LYRM7: variants seen among roughly 807,000 people sequenced by gnomAD.
The protein encoded by LYRM7 is LYR motif containing 7, also known as complex III assembly factor LYRM7.
A neutral mutation model predicts 15.8 loss-of-function variants in LYRM7; 9 were observed. The observed-to-expected ratio is 0.57, with a 90% CI of 0.34 to 0.99. The LOEUF (loss-of-function observed/expected upper bound fraction) is 0.99. Among genes scored for constraint, LYRM7 ranks in the 50% least tolerant of loss-of-function variants. The pLI, the probability that LYRM7 is intolerant of heterozygous loss-of-function variation, is 0.02. For synonymous variants in LYRM7, 39 were observed against 39.4 expected, an observed-to-expected ratio of 0.99 and a Z score of 0.04; for missense variants, 115 against 119.1, an observed-to-expected ratio of 0.97 and a Z score of 0.16.
intron 1 of LYRM7, among the ~76,000 whole-genome samples, chr5:131,179,474 T>TTTTTC (rs1755656177): frequency 4.3e-5 from 1 of 23,484 alleles, no homozygotes; most frequent in Admixed American, 7.4e-4. Flanking sequence ...TTTTTTTTTC[T>TTTTTC]TTTTTTTTTT....
intron 2 of LYRM7, 52 bp downstream of exon 2, chr5:131,180,219 T>A: frequency 7.8e-7 from 1 of 1,288,552 alleles, no homozygotes; most frequent in South Asian, 1.2e-5. Context: ...AGATAACTAC[T>A]AATCTCTCTG....
At chr5:131,191,452 C>T (rs1453231336) in intron 4 of LYRM7, among the ~76,000 whole-genome samples, 1 of 151,986 alleles carries the variant, frequency 6.6e-6, no homozygotes, top group Non-Finnish European at 1.5e-5. Context: ...AGAGTAATCA[C>T]CTTGTATGCG....
chr5:131,171,028 G>A lies in LYRM7; in HGVS notation c.8G>A (p.Arg3Gln). 6.5e-7 allele frequency: 1 copy of A among 1,536,532 alleles called. No homozygotes were observed. The highest frequency in any genetic ancestry group is 8.7e-7 in the Non-Finnish European group (1 of 1,150,746). Reference sequence around the variant, plus strand: ...GCCGCGGTGAGGAGAGCCATGGGACGGGCAGTCAAGGTGACAGGGCCCGGG... The same window carrying A: ...GCCGCGGTGAGGAGAGCCATGGGACAGGCAGTCAAGGTGACAGGGCCCGGG... Reference protein sequence around the residue: MGRAVKVLQLFKT... With the variant: MGQAVKVLQLFKT... Residue 3 changes from arginine to glutamine, a missense_variant, in exon 1 of 5, where the codon CGG becomes CAG. Transcript: ENST00000379380.
At position 131,201,299 on chromosome 5, in the gene LYRM7, G is replaced by A. The variant is rs1193816049; in HGVS notation, c.*1698G>A. On this transcript the variant is annotated 3_prime_UTR_variant, in exon 5 of 5. Transcript: ENST00000379380. ...ACTGCACTCCAGCCTGGGGGACAGAGTGAGACTCTGTCTCAAAAAAAAAAA... is the reference window on the plus strand; with the variant it reads ...ACTGCACTCCAGCCTGGGGGACAGAATGAGACTCTGTCTCAAAAAAAAAAA... 1.4e-5 allele frequency: 2 copies of A among 144,348 alleles called. No homozygotes were observed. Among genetic ancestry groups the A allele is most frequent in the African/African-American group, 5.2e-5 (2 of 38,754 alleles). The allele number at this position is 144,348 out of a possible 1,614,324, so 8.9% of individuals were successfully genotyped here. A position where few individuals can be genotyped will look rare whatever the true frequency, so the allele number is the denominator to read the frequency against.
rs1331352206 is a variant in LYRM7, at chr5:131,180,167, G to A, written c.91G>A (p.Ala31Thr). The change falls in exon 2 of 5, where the codon GCA becomes ACA. Residue 31 changes from alanine (A) to threonine (T), a missense_variant and splice_region_variant. Ala to Thr is a moderately conservative substitution (Grantham distance 58). Coordinates refer to ENST00000379380, the MANE Select transcript of LYRM7 (RefSeq NM_181705.4). ...TAAAAATGATGCCAGAGCATTAGAA[G>A]GTAAGTATGTTCTTTACCCCTTTGG... ...VFKNDARALE[A>T]ARIKINEEFK... 1 of 1,604,488 alleles carries A rather than the reference G, an allele frequency of 6.2e-7. No individual in the cohort carries two copies. Among genetic ancestry groups the A allele is most frequent in the Non-Finnish European group, 8.5e-7 (1 of 1,171,724 alleles).
Position 131,199,660 on chromosome 5 carries a change from A to G in LYRM7, c.*59A>G. 8.1e-7 allele frequency: 1 copy of G among 1,237,004 alleles called. No homozygotes were observed. The highest frequency in any genetic ancestry group is 1.1e-6 in the Non-Finnish European group (1 of 872,302). The allele number at this position is 1,237,004 out of a possible 1,614,324, so 76.6% of individuals were successfully genotyped here. ...TAACTTTAAAATCTACAACTCTGGCAAAAGTCCTGGAAATGCAGACATTTT... is the reference window on the plus strand; with the variant it reads ...TAACTTTAAAATCTACAACTCTGGCGAAAGTCCTGGAAATGCAGACATTTT... On this transcript the variant is annotated 3_prime_UTR_variant, in exon 5 of 5. Coordinates refer to ENST00000379380, the MANE Select transcript of LYRM7 (RefSeq NM_181705.4).
chr5:131,187,127 A>G lies in LYRM7; in HGVS notation c.244+18A>G, dbSNP rs556372158. 3.0e-6 allele frequency: 4 copies of G among 1,355,536 alleles called. No individual in the cohort carries two copies. In the East Asian group the frequency reaches 9.7e-5, roughly 33 times the overall value. The allele number at this position is 1,355,536 out of a possible 1,614,324, so 84.0% of individuals were successfully genotyped here. A position where few individuals can be genotyped will look rare whatever the true frequency, so the allele number is the denominator to read the frequency against. ...TACACTGAGTAAGTAAAATTAAAGA[A>G]AAATGGTTTCTAACTGCAATGTGTT... On this transcript the variant is annotated intron_variant, in intron 4 of 4. Coordinates refer to ENST00000379380, the MANE Select transcript of LYRM7 (RefSeq NM_181705.4).
chr5:131,175,445 T>G lies in LYRM7; in HGVS notation c.18+4407T>G, dbSNP rs377338718. On this transcript the variant is annotated intron_variant, in intron 1 of 4. Transcript: ENST00000379380. Reference sequence around the variant, plus strand: ...AACTCCTGACCTCAGGTGATCTGCCTGCCTTGACCTCCCAAAGTGCTAGGA... The same window carrying G: ...AACTCCTGACCTCAGGTGATCTGCCGGCCTTGACCTCCCAAAGTGCTAGGA... 9.6e-4 allele frequency among the ~76,000 whole-genome samples: 146 copies of G among 152,208 alleles called. 3 individuals are homozygous for G. The South Asian group carries it at 0.03, about 31-fold the overall frequency.
At chr5:131,178,979 A>T (rs897726264) in intron 1 of LYRM7, among the ~76,000 whole-genome samples, 1 of 151,932 alleles carries the variant, frequency 6.6e-6, no homozygotes, top group Non-Finnish European at 1.5e-5. Flanking sequence ...AAAAAAAAAA[A>T]AAAAAGGGAA....
At chr5:131,177,577 A>G (rs1755621465) in intron 1 of LYRM7, among the ~76,000 whole-genome samples, 1 of 152,204 alleles carries the variant, frequency 6.6e-6, no homozygotes, top group African/African-American at 2.4e-5. Flanking sequence ...GCTATTTAGA[A>G]ATCAGGTACC....
chr5:131,186,495 T>C (rs1487998572), intron 3 of LYRM7, among the ~76,000 whole-genome samples: 1 of 152,236 alleles, frequency 6.6e-6, no homozygotes, highest in Non-Finnish European at 1.5e-5. Flanking sequence ...CATTTTAAGA[T>C]CCTCAGTGGA....
At chr5:131,180,190 T>C in intron 2 of LYRM7, 23 bp downstream of exon 2, 2 of 1,548,562 alleles carry the variant, frequency 1.3e-6, no homozygotes, top group Non-Finnish European at 1.8e-6. Context: ...TTTACCCCTT[T>C]GGAGCCAGTC....
intron 4 of LYRM7, among the ~76,000 whole-genome samples, chr5:131,187,497 T>A (rs1471704046): frequency 6.6e-6 from 1 of 151,044 alleles, no homozygotes; most frequent in Non-Finnish European, 1.5e-5. Context: ...TTTTTTTGGG[T>A]TTTTTGAGAT....
intron 4 of LYRM7, among the ~76,000 whole-genome samples, chr5:131,188,879 G>A (rs1224297037): frequency 4.6e-5 from 7 of 152,160 alleles, no homozygotes; most frequent in African/African-American, 1.7e-4. Context: ...GGGTGCAGTG[G>A]CTCACACCTG....
intron 2 of LYRM7, 118 bp from the exon 3 acceptor site, chr5:131,182,111 C>A: frequency 1.1e-6 from 1 of 927,270 alleles, no homozygotes; most frequent in Non-Finnish European, 1.5e-6. Context: ...CTTTGTTTTT[C>A]ATGAGGGCAA....
rs771222241 is a variant in LYRM7, at chr5:131,180,177, T to G, written c.91+10T>G. The G allele has an allele frequency of 1.3e-6, 2 of 1,592,090 alleles. No homozygotes were observed. Among genetic ancestry groups the G allele is most frequent in the African/African-American group, 2.7e-5 (2 of 74,622 alleles). On this transcript the variant is annotated intron_variant, in intron 2 of 4. Transcript: ENST00000379380. Reference sequence around the variant, plus strand: ...GCCAGAGCATTAGAAGGTAAGTATGTTCTTTACCCCTTTGGAGCCAGTCTA... The same window carrying G: ...GCCAGAGCATTAGAAGGTAAGTATGGTCTTTACCCCTTTGGAGCCAGTCTA...
At chr5:131,197,979 C>A (rs1026328342) in intron 4 of LYRM7, among the ~76,000 whole-genome samples, 13 of 151,994 alleles carry the variant, frequency 8.6e-5, no homozygotes, top group Admixed American at 8.5e-4. Flanking sequence ...TTCCTTTACC[C>A]AGATTCTACA....
chr5:131,178,688 C>T (rs953370695), intron 1 of LYRM7, among the ~76,000 whole-genome samples: 5 of 152,050 alleles, frequency 3.3e-5, no homozygotes, highest in African/African-American at 9.7e-5. Flanking sequence ...AAGGGCCAGA[C>T]GTAGTGGCTC....
In LYRM7 at chr5:131,200,031, G is replaced by T. The variant is rs1756033619; in HGVS notation, c.*430G>T. ...TTTAGTCCTGAAAAATATTAAATTG[G>T]TCAAAAAAATCACAGTGTATGCCAG... On this transcript the variant is annotated 3_prime_UTR_variant, in exon 5 of 5. Transcript: ENST00000379380. 1 of 146,864 alleles carries T rather than the reference G, an allele frequency of 6.8e-6. No homozygotes were observed. Among genetic ancestry groups the T allele is most frequent in the South Asian group, 2.1e-4 (1 of 4,672 alleles). 9.1% of individuals were successfully genotyped at this position (146,864 alleles called of 1,614,324 possible).
Sources: allele counts gnomAD v4.1 joint callset (sites outside exome capture counted in the v4.1 genomes callset), GRCh38; gene constraint gnomAD v4.1.1; transcripts MANE v1.5; gene names NCBI Gene and HGNC (gene_info 2026-07-23, HGNC 2026-07-21).